Variants in HMCN1 observed in about 807,000 individuals in gnomAD.
HMCN1 encodes the protein hemicentin 1, also known as hemicentin-1.
Under a neutral mutation model 625.9 loss-of-function variants are expected in HMCN1, and 321 were observed. The observed-to-expected ratio is 0.51, with a 90% confidence interval of 0.47 to 0.56. The LOEUF is 0.56. Ranked by LOEUF, HMCN1 falls within the 20% of genes least tolerant of loss-of-function variation. The probability of loss-of-function intolerance (pLI) is 0.00; values close to 1 mark genes in which losing one functional copy is unlikely to be tolerated. For synonymous variants in HMCN1, 2,425 were observed against 2,417.6 expected (o/e 1.00, Z -0.09); for missense variants, 6,588 against 6,887.3 (o/e 0.96, Z 1.54).
At chr1:185,916,068 A>ATGTG (rs372973815) in intron 6 of HMCN1, among the ~76,000 whole-genome samples, 12,110 of 149,452 alleles carry the variant, frequency 0.081, 1,607 homozygotes, top group African/African-American at 0.28. Flanking sequence ...GTGTGTGCAT[A>ATGTG]TGTGTGTGTG....
chr1:186,047,299 G>A (rs1656640816), intron 41 of HMCN1, among the ~76,000 whole-genome samples: 1 of 152,118 alleles, frequency 6.6e-6, no homozygotes, highest in African/African-American at 2.4e-5. Flanking sequence ...CCTATTCTCA[G>A]GGGCAGAGCC....
In HMCN1 at chr1:186,136,896, T is replaced by C. The variant is rs776774211; in HGVS notation, c.13541T>C (p.Leu4514Ser). The C allele has an allele frequency of 6.2e-7, 1 of 1,614,024 alleles. No individual in the cohort carries two copies. Residue 4514 changes from leucine (L) to serine (S), a missense_variant, in exon 87 of 107, where the codon TTA becomes TCA. This residue lies in a region of HMCN1 where 1,954 missense variants were observed against 2,013.1 expected (regional missense o/e 0.97). Coordinates refer to ENST00000271588, the MANE Select transcript of HMCN1 (RefSeq NM_031935.3). Reference sequence around the variant, plus strand: ...GAATTTGAATGTGTTGCTCGAAACTTAATGGGTTCTGTCCTTGTCAGAGTG... The same window carrying C: ...GAATTTGAATGTGTTGCTCGAAACTCAATGGGTTCTGTCCTTGTCAGAGTG... Reference protein sequence around the residue: ...TSEFECVARNLMGSVLVRVPV... With the variant: ...TSEFECVARNSMGSVLVRVPV...
At chr1:185,905,288 A>C (rs1000468155) in intron 4 of HMCN1, among the ~76,000 whole-genome samples, 4 of 151,502 alleles carry the variant, frequency 2.6e-5, no homozygotes, top group Non-Finnish European at 5.9e-5. Flanking sequence ...TCCCACACAT[A>C]TTTAATCAGG....
intron 36 of HMCN1, among the ~76,000 whole-genome samples, chr1:186,026,503 G>A (rs1354188781): frequency 6.6e-6 from 1 of 152,138 alleles, no homozygotes; most frequent in Admixed American, 6.6e-5. Flanking sequence ...CCAAAGTATT[G>A]CATACAATTC....
chr1:186,114,099 C>T lies in HMCN1; in HGVS notation c.11252C>T (p.Ala3751Val). Residue 3751 changes from alanine to valine, a missense_variant, in exon 73 of 107, where the codon GCT (alanine) becomes GTT (valine). Physicochemically the swap from Ala to Val is moderately conservative, Grantham distance 64. Transcript: ENST00000271588. ...TPRITWRKDG[A>V]VLAGNHARYS... is the part of the protein sequence containing the mutation. ...AGGATAACATGGAGAAAGGATGGAG[C>T]TGTTCTAGCTGGGAATCATGCAAGG... is the stretch of plus-strand genomic sequence containing the variant. 6.2e-7 allele frequency: 1 copy of T among 1,614,066 alleles called. No homozygotes were observed.
chr1:186,087,810 G>A (rs1250837597), intron 60 of HMCN1, 122 bp from the exon 61 acceptor site: 1 of 1,143,194 alleles, frequency 8.7e-7, no homozygotes, highest in Non-Finnish European at 1.3e-6. Flanking sequence ...CAAGATTGCA[G>A]AAGGCAATTA....
chr1:185,969,433 G>A (rs1324195395), intron 14 of HMCN1, among the ~76,000 whole-genome samples: 1 of 152,102 alleles, frequency 6.6e-6, no homozygotes, highest in Non-Finnish European at 1.5e-5. Flanking sequence ...TTGTCCATTT[G>A]TTGCCCCGAG....
At position 186,125,770 on chromosome 1, in the gene HMCN1, A is replaced by G. The variant is rs369804897; in HGVS notation, c.12666A>G (p.Gly4222=). Residue 4222 remains glycine (G), a synonymous_variant, in exon 82 of 107, where the codon GGA becomes GGG. Transcript: ENST00000271588. Reference sequence around the variant, plus strand: ...GAAAATACACTGCTGAACCATATGGAGAACTCATTTTAGAAAATGTTGTGG... The same window carrying G: ...GAAAATACACTGCTGAACCATATGGGGAACTCATTTTAGAAAATGTTGTGG... The part of the protein sequence containing the change: ...LLGKYTAEPY[G]ELILENVVLE... The G allele has an allele frequency of 8.1e-6, 13 of 1,613,110 alleles. No individual in the cohort carries two copies. The highest frequency in any genetic ancestry group is 1.1e-5 in the Non-Finnish European group (13 of 1,179,314).
intron 1 of HMCN1, among the ~76,000 whole-genome samples, chr1:185,840,080 C>G (rs1478332282): frequency 6.6e-6 from 1 of 152,078 alleles, no homozygotes; most frequent in African/African-American, 2.4e-5. Flanking sequence ...TTGACATTAG[C>G]TCAGCTCAAA....
chr1:185,933,272 A>AT (rs1333653160), intron 10 of HMCN1, among the ~76,000 whole-genome samples: 10 of 152,154 alleles, frequency 6.6e-5, no homozygotes, highest in African/African-American at 2.2e-4. Flanking sequence ...CAGTCAAGTT[A>AT]TACTCTTTTG....
intron 4 of HMCN1, among the ~76,000 whole-genome samples, chr1:185,897,215 A>G (rs1437111778): frequency 6.6e-6 from 1 of 151,790 alleles, no homozygotes. Context: ...TTTATTTTAC[A>G]CCTATTCTAA....
intron 35 of HMCN1, among the ~76,000 whole-genome samples, chr1:186,021,903 T>A (rs542605778): frequency 1.1e-3 from 174 of 152,096 alleles, no homozygotes; most frequent in African/African-American, 3.9e-3. Context: ...GCTATTATAA[T>A]CCCACAGTGG....
intron 1 of HMCN1, among the ~76,000 whole-genome samples, chr1:185,737,376 C>T (rs1319721768): frequency 6.6e-6 from 1 of 152,100 alleles, no homozygotes; most frequent in Admixed American, 6.5e-5. Flanking sequence ...TCTTGAACTC[C>T]TGGCCTCAAG....
At chr1:186,162,651 A>T (rs1162243601) in intron 97 of HMCN1, among the ~76,000 whole-genome samples, 1 of 152,070 alleles carries the variant, frequency 6.6e-6, no homozygotes, top group African/African-American at 2.4e-5. Flanking sequence ...CTCAGCTGCA[A>T]GTCTGTTGGA....
intron 76 of HMCN1, 81 bp from the exon 77 acceptor site, chr1:186,117,378 G>A (rs2102480917): frequency 2.7e-6 from 4 of 1,487,184 alleles, no homozygotes; most frequent in Non-Finnish European, 3.7e-6. Flanking sequence ...AGCAAAAAGA[G>A]GATGTATGAT....
chr1:186,103,419 C>G lies in HMCN1; in HGVS notation c.10574-53C>G, dbSNP rs192223010. The G allele has an allele frequency of 4.2e-4, 607 of 1,455,810 alleles. 5 individuals carry two copies. In the African/African-American group the frequency reaches 7.6e-3, roughly 18 times the overall value. 90.2% of individuals were successfully genotyped at this position (1,455,810 alleles called of 1,614,324 possible). ...TGGATTTTCAAGTTTTTCTAACGAG[C>G]AATATTTTATGAAACTGTGGGTTTA... On this transcript the variant is annotated intron_variant, in intron 68 of 106. Transcript: ENST00000271588.
intron 81 of HMCN1, among the ~76,000 whole-genome samples, chr1:186,124,634 A>C (rs1661558864): frequency 1.3e-5 from 2 of 152,058 alleles, no homozygotes; most frequent in African/African-American, 4.8e-5. Context: ...TGTATATTTA[A>C]TCATATAATC....
At chr1:185,806,985 A>C (rs916380088) in intron 1 of HMCN1, among the ~76,000 whole-genome samples, 1 of 152,180 alleles carries the variant, frequency 6.6e-6, no homozygotes, top group Admixed American at 6.6e-5. Context: ...GAAAATCTAT[A>C]AAATTACACC....
At chr1:186,054,433 G>A (rs1657182834) in intron 44 of HMCN1, among the ~76,000 whole-genome samples, 1 of 151,990 alleles carries the variant, frequency 6.6e-6, no homozygotes, top group Non-Finnish European at 1.5e-5. Flanking sequence ...TCCATTTTGT[G>A]TATGTGGAAA....
Sources: gnomAD v4.1 joint callset for allele counts (sites outside exome capture counted in the v4.1 genomes callset) on GRCh38, gnomAD v4.1.1 for gene constraint, gnomAD v4.1.1 regional missense constraint, MANE v1.5 for transcripts, NCBI Gene and HGNC (gene_info 2026-07-23, HGNC 2026-07-21) for gene names.